The following SPPL2A variants were observed in gnomAD, a reference collection of about 807,000 sequenced individuals.
SPPL2A encodes signal peptide peptidase like 2A.
In SPPL2A, 51 loss-of-function variants were observed where a neutral mutation model predicts 63.8. That is an observed-to-expected ratio of 0.80 (90% confidence interval 0.64 to 1.01). SPPL2A has a LOEUF of 1.01. Ranked by LOEUF, SPPL2A falls within the 50% of genes least tolerant of loss-of-function variation. The pLI is 0.00. For missense variants in SPPL2A, 553 were observed against 622.7 expected (o/e 0.89, Z 1.19); for synonymous variants, 188 against 205.8 (o/e 0.91, Z 0.74).
rs1596389163 is a variant in SPPL2A at position 50,739,581 on chromosome 15, T to A, written c.733+99A>T. ...ATATTAACCAAATTATTCACATACG[T>A]TTTCCAGGTAGAATGGCTTAAAGGA... On this transcript the variant is annotated intron_variant, in intron 6 of 14. Coordinates refer to ENST00000261854, the MANE Select transcript of SPPL2A (RefSeq NM_032802.4). 15 of 831,570 alleles carry A rather than the reference T, an allele frequency of 1.8e-5. No homozygotes were observed. In the East Asian group the frequency reaches 4.4e-4, roughly 25 times the overall value. The allele number at this position is 831,570 out of a possible 1,614,324, so 51.5% of individuals were successfully genotyped here. A position where few individuals can be genotyped will look rare whatever the true frequency, so the allele number is the denominator to read the frequency against.
Position 50,736,159 on chromosome 15 carries a change from G to C in SPPL2A, c.874C>G (p.Leu292Val), listed in dbSNP as rs1029705911. The change falls in exon 8 of 15, where the codon CTC becomes GTC. Residue 292 changes from leucine (L) to valine (V), a missense_variant. Leu to Val is a conservative substitution (Grantham distance 32). Coordinates refer to ENST00000261854, the MANE Select transcript of SPPL2A (RefSeq NM_032802.4). ...GCTACTGCTATGCACAGTCCAGAGA[G>C]AAAAATAAGTCTCACTTCCATGTTT... ...GKNMEVRLIFLSGLCIAVAVV... is the reference protein window; with the variant it reads ...GKNMEVRLIFVSGLCIAVAVV... 6.2e-7 allele frequency: 1 copy of C among 1,613,198 alleles called. No homozygotes were observed. Among genetic ancestry groups the C allele is most frequent in the East Asian group, 2.2e-5 (1 of 44,802 alleles).
At chr15:50,764,522 G>A (rs1185615736) in intron 1 of SPPL2A, 1 of 152,188 alleles carries the variant, frequency 6.6e-6, no homozygotes, top group Non-Finnish European at 1.5e-5. Flanking sequence ...AAACTGGAGA[G>A]TCAGCAAAAC....
intron 1 of SPPL2A, among the ~76,000 whole-genome samples, chr15:50,764,779 C>T (rs2141068787): frequency 6.6e-6 from 1 of 152,250 alleles, no homozygotes; most frequent in Middle Eastern, 3.4e-3. Flanking sequence ...ACACATATTT[C>T]TTACTTACAT....
chr15:50,713,847 C>G (rs1200308370), intron 14 of SPPL2A, among the ~76,000 whole-genome samples: 2 of 152,024 alleles, frequency 1.3e-5, no homozygotes, highest in Admixed American at 6.6e-5. Flanking sequence ...ACAAAAAATC[C>G]TCACTCCTAC....
At chr15:50,738,191 C>CA (rs36083697) in intron 6 of SPPL2A, among the ~76,000 whole-genome samples, 13,466 of 144,588 alleles carry the variant, frequency 0.093, 732 homozygotes, top group South Asian at 0.16. Flanking sequence ...AAGACTGTCT[C>CA]AAAAAAAAAG....
chr15:50,741,223 T>G (rs1208309287), intron 5 of SPPL2A, among the ~76,000 whole-genome samples: 2 of 152,098 alleles, frequency 1.3e-5, no homozygotes, highest in East Asian at 3.8e-4. Context: ...TCTGAATACT[T>G]TTCAACAACT....
chr15:50,722,517 C>T (rs938651867), intron 12 of SPPL2A, among the ~76,000 whole-genome samples: 4 of 151,740 alleles, frequency 2.6e-5, no homozygotes, highest in African/African-American at 4.8e-5. Flanking sequence ...AGTGCAGTGG[C>T]GCGATCTCGG....
At chr15:50,720,958 CAGG>C (rs2062641576) in intron 13 of SPPL2A, among the ~76,000 whole-genome samples, 1 of 152,160 alleles carries the variant, frequency 6.6e-6, no homozygotes. Flanking sequence ...CAAAGGTACA[CAGG>C]AGAATTAATG....
Position 50,765,535 on chromosome 15 carries a change from G to A in SPPL2A, c.-2C>T. On this transcript the variant is annotated 5_prime_UTR_variant, in exon 1 of 15. Coordinates refer to ENST00000261854, the MANE Select transcript of SPPL2A (RefSeq NM_032802.4). Reference sequence around the variant, plus strand: ...GGACAGCCGCCGCTGCGGCCCCATCGGACTGGTGGGTGCCGGGTGGGACGG... The same window carrying A: ...GGACAGCCGCCGCTGCGGCCCCATCAGACTGGTGGGTGCCGGGTGGGACGG... 2 of 1,493,986 alleles carry A rather than the reference G, an allele frequency of 1.3e-6. No individual in the cohort carries two copies. The highest frequency in any genetic ancestry group is 1.8e-6 in the Non-Finnish European group (2 of 1,129,422). The allele number at this position is 1,493,986 out of a possible 1,614,324, so 92.5% of individuals were successfully genotyped here.
chr15:50,708,910 G>A lies in SPPL2A; in HGVS notation c.1489-1036C>T, dbSNP rs189709665. Among the ~76,000 whole-genome samples, 6 of 151,710 alleles carry A rather than the reference G, an allele frequency of 4.0e-5. No individual in the cohort carries two copies. In the East Asian group the frequency reaches 9.7e-4, roughly 25 times the overall value. On this transcript the variant is annotated intron_variant, in intron 14 of 14. Coordinates refer to ENST00000261854, the MANE Select transcript of SPPL2A (RefSeq NM_032802.4). ...AAATTAGCCAGGCGTGGTGGCAAGC[G>A]CCTGTAGTCCCAGCTAATTGGGAGG... is the stretch of plus-strand genomic sequence containing the variant.
chr15:50,752,591 G>A (rs1334723456), intron 1 of SPPL2A, among the ~76,000 whole-genome samples: 3 of 151,864 alleles, frequency 2.0e-5, no homozygotes, highest in Non-Finnish European at 2.9e-5. Flanking sequence ...GGTAGTGGGC[G>A]CCTGTAATCC....
At chr15:50,714,385 A>C (rs2062583226) in intron 14 of SPPL2A, among the ~76,000 whole-genome samples, 1 of 152,124 alleles carries the variant, frequency 6.6e-6, no homozygotes, top group Non-Finnish European at 1.5e-5. Context: ...TAATCCCAGC[A>C]CTTTGGGAGG....
Position 50,707,832 on chromosome 15 carries a change from C to G in SPPL2A, c.1531G>C (p.Val511Leu). 6.3e-7 allele frequency: 1 copy of G among 1,593,842 alleles called. No individual in the cohort carries two copies. The highest frequency in any genetic ancestry group is 8.6e-7 in the Non-Finnish European group (1 of 1,161,630). ...TGGACAATCTGTTCACCAGATATCA[C>G]AGGGTTTTCTTCATTTGTTGCACAA... Reference protein sequence around the residue: ...LDCATNEENPVISGEQIVQQ With the variant: ...LDCATNEENPLISGEQIVQQ Residue 511 changes from valine (V) to leucine (L), a missense_variant, in exon 15 of 15, where the codon GTG becomes CTG. Physicochemically the swap from Val to Leu is conservative, Grantham distance 32. Transcript: ENST00000261854.
chr15:50,734,378 G>A (rs1422312220), intron 8 of SPPL2A, among the ~76,000 whole-genome samples: 5 of 152,146 alleles, frequency 3.3e-5, no homozygotes, highest in Non-Finnish European at 7.4e-5. Flanking sequence ...GGATGGAACT[G>A]AAGACATCAT....
rs773695841 is a variant in SPPL2A, at chr15:50,725,373, A to G, written c.1147-50T>C. Reference sequence around the variant, plus strand: ...AACAAAACAAAACAAAAAACAAAACAGAGGCCGCCAATGAACTTCTTGGCA... The same window carrying G: ...AACAAAACAAAACAAAAAACAAAACGGAGGCCGCCAATGAACTTCTTGGCA... On this transcript the variant is annotated intron_variant, in intron 11 of 14. Coordinates refer to ENST00000261854, the MANE Select transcript of SPPL2A (RefSeq NM_032802.4). 8.1e-6 allele frequency: 8 copies of G among 988,584 alleles called. No homozygotes were observed. The African/African-American group carries it at 1.2e-4, about 14-fold the overall frequency. The allele number at this position is 988,584 out of a possible 1,614,324, so 61.2% of individuals were successfully genotyped here. A position where few individuals can be genotyped will look rare whatever the true frequency, so the allele number is the denominator to read the frequency against.
intron 1 of SPPL2A, among the ~76,000 whole-genome samples, chr15:50,761,024 T>G (rs559589106): frequency 1.2e-4 from 18 of 151,088 alleles, no homozygotes; most frequent in Non-Finnish European, 1.5e-4. Flanking sequence ...GTGTGTGTGT[T>G]TTTAGAGACA....
chr15:50,742,148 G>T (rs1309388533), intron 5 of SPPL2A, among the ~76,000 whole-genome samples: 3 of 151,902 alleles, frequency 2.0e-5, no homozygotes, highest in African/African-American at 7.3e-5. Context: ...GGTAGCTCAC[G>T]CCTGTAATCC....
rs2062498209 is a variant in SPPL2A, at chr15:50,705,050, T to A, written c.*2750A>T. ...TATGAAACCAAATTATTTTGAGAAA[T>A]TATCTTATTTTGCCAGGCGCGGTGG... is the stretch of plus-strand genomic sequence containing the variant. On this transcript the variant is annotated 3_prime_UTR_variant, in exon 15 of 15. Coordinates refer to ENST00000261854, the MANE Select transcript of SPPL2A (RefSeq NM_032802.4). 6.6e-6 allele frequency: 1 copy of A among 152,106 alleles called. No homozygotes were observed. Among genetic ancestry groups the A allele is most frequent in the African/African-American group, 2.4e-5 (1 of 41,422 alleles). 9.4% of individuals were successfully genotyped at this position (152,106 alleles called of 1,614,324 possible).
intron 5 of SPPL2A, among the ~76,000 whole-genome samples, chr15:50,743,984 G>A (rs1307749006): frequency 6.6e-6 from 1 of 151,884 alleles, no homozygotes; most frequent in African/African-American, 2.4e-5. Flanking sequence ...AGACCAACCT[G>A]GCCAACATGG....
Sources: allele counts gnomAD v4.1 joint callset (sites outside exome capture counted in the v4.1 genomes callset), GRCh38; gene constraint gnomAD v4.1.1; transcripts MANE v1.5; gene names NCBI Gene and HGNC (gene_info 2026-07-23, HGNC 2026-07-21).